The following RCL1 variants were observed in gnomAD, a reference collection of about 807,000 sequenced individuals.
RCL1 encodes RNA 3'-terminal phosphate cyclase-like protein.
In RCL1, 24 loss-of-function variants were observed where a neutral mutation model predicts 42.4. The ratio of observed to expected loss-of-function variants is 0.57; its 90% CI spans 0.41 to 0.80. The LOEUF (loss-of-function observed/expected upper bound fraction) is 0.80, where lower values mean the gene tolerates loss of function less well. Ranked by LOEUF, RCL1 falls within the 30% of genes least tolerant of loss-of-function variation. RCL1 has a pLI of 0.00. For missense variants in RCL1, 578 were observed against 467.9 expected (o/e 1.24, Z -2.17); for synonymous variants, 228 against 177.3 (o/e 1.29, Z -2.27).
intron 8 of RCL1, among the ~76,000 whole-genome samples, chr9:4,852,810 C>A (rs1048852769): frequency 6.6e-6 from 1 of 151,494 alleles, no homozygotes; most frequent in Admixed American, 6.6e-5. Flanking sequence ...GCAGGACTAC[C>A]CCAGAGGCAG....
chr9:4,819,793 G>A (rs1396672395), intron 1 of RCL1, among the ~76,000 whole-genome samples: 6 of 152,168 alleles, frequency 3.9e-5, no homozygotes, highest in Admixed American at 3.9e-4. Flanking sequence ...GTGACAGAGC[G>A]AGACTCCGTC....
chr9:4,840,561 G>C (rs1269541586), intron 5 of RCL1, among the ~76,000 whole-genome samples: 1 of 152,148 alleles, frequency 6.6e-6, no homozygotes, highest in African/African-American at 2.4e-5. Flanking sequence ...TATTGTAGGA[G>C]TGCTAATTAT....
intron 8 of RCL1, among the ~76,000 whole-genome samples, chr9:4,858,195 GTTAT>G (rs1453224896): frequency 2.6e-5 from 4 of 151,862 alleles, no homozygotes; most frequent in African/African-American, 9.7e-5. Flanking sequence ...GTTTAATTAG[GTTAT>G]TTGTCTTTTT....
At chr9:4,853,977 C>T (rs1261022156) in intron 8 of RCL1, among the ~76,000 whole-genome samples, 2 of 152,168 alleles carry the variant, frequency 1.3e-5, no homozygotes, top group Non-Finnish European at 2.9e-5. Context: ...GCCGGCCAAG[C>T]CTGCCTCTAC....
At chr9:4,835,565 T>C (rs1360288035) in intron 5 of RCL1, among the ~76,000 whole-genome samples, 1 of 152,142 alleles carries the variant, frequency 6.6e-6, no homozygotes, top group Non-Finnish European at 1.5e-5. Flanking sequence ...GGGAGTAACT[T>C]GATGAAGCGA....
intron 1 of RCL1, 88 bp from the exon 2 acceptor site, chr9:4,823,460 C>T: frequency 5.0e-6 from 5 of 1,009,502 alleles, no homozygotes; most frequent in Non-Finnish European, 7.6e-6. Context: ...TACCACAGTA[C>T]CTGAATCAGG....
At chr9:4,823,510 T>C (rs374303159) in intron 1 of RCL1, 38 bp from the exon 2 acceptor site, 70 of 1,518,752 alleles carry the variant, frequency 4.6e-5, no homozygotes, top group Non-Finnish European at 5.4e-5. Flanking sequence ...GAGGACAGTC[T>C]GTCTTCTCTT....
intron 8 of RCL1, chr9:4,850,273 A>G (rs771609482): frequency 3.8e-6 from 2 of 530,616 alleles, no homozygotes; most frequent in Non-Finnish European, 7.8e-6. Context: ...GTGGCAGGGA[A>G]TATTCAGGTA....
chr9:4,835,480 G>C (rs542490346), intron 5 of RCL1, among the ~76,000 whole-genome samples: 2 of 152,292 alleles, frequency 1.3e-5, no homozygotes, highest in East Asian at 3.9e-4. Flanking sequence ...TGGAGTGAAG[G>C]GGAGGGAAAC....
chr9:4,836,678 T>C (rs1477105953), intron 5 of RCL1: 4 of 152,334 alleles, frequency 2.6e-5, no homozygotes, highest in African/African-American at 7.2e-5. Context: ...GGGTTTTGTG[T>C]TCTCAGGAGG....
intron 4 of RCL1, 53 bp from the exon 5 acceptor site, chr9:4,834,088 G>A: frequency 1.3e-6 from 2 of 1,587,178 alleles, no homozygotes; most frequent in Non-Finnish European, 1.7e-6. Context: ...GGGTGTCAGG[G>A]TAATCCATTG....
chr9:4,823,741 A>G lies in RCL1; in HGVS notation c.208+122A>G, dbSNP rs1184226534. ...CTGCTTATCCAAATCACTCTTTTTAATGGTATAAATATTATGTTTAAAGCT... is the reference window on the plus strand; with the variant it reads ...CTGCTTATCCAAATCACTCTTTTTAGTGGTATAAATATTATGTTTAAAGCT... On this transcript the variant is annotated intron_variant, in intron 2 of 8. Transcript: ENST00000381750. 13 of 652,784 alleles carry G rather than the reference A, an allele frequency of 2.0e-5. No individual in the cohort carries two copies. In the East Asian group the frequency reaches 3.5e-4, roughly 18 times the overall value. 40.4% of individuals were successfully genotyped at this position (652,784 alleles called of 1,614,324 possible).
chr9:4,813,409 T>C (rs961209717), intron 1 of RCL1, among the ~76,000 whole-genome samples: 2 of 152,172 alleles, frequency 1.3e-5, no homozygotes, highest in African/African-American at 4.8e-5. Context: ...AAAGAAGATA[T>C]TTATGCAGCC....
intron 3 of RCL1, among the ~76,000 whole-genome samples, chr9:4,827,637 A>T (rs414972): frequency 0.49 from 74,177 of 151,880 alleles, 20,405 homozygotes; most frequent in East Asian, 0.76. Flanking sequence ...TTTATTAAAC[A>T]TGCTAATTTT....
chr9:4,827,901 G>A (rs1337109776), intron 3 of RCL1, among the ~76,000 whole-genome samples: 1 of 151,968 alleles, frequency 6.6e-6, no homozygotes, highest in East Asian at 1.9e-4. Context: ...TAAAGCTGAT[G>A]GCCGGCCGGG....
intron 1 of RCL1, among the ~76,000 whole-genome samples, chr9:4,820,124 A>T (rs577422665): frequency 6.6e-6 from 1 of 152,242 alleles, no homozygotes; most frequent in African/African-American, 2.4e-5. Context: ...TTATGTATTC[A>T]TAAACAGTGT....
chr9:4,826,104 G>GA (rs956438341), intron 2 of RCL1, among the ~76,000 whole-genome samples: 22 of 148,442 alleles, frequency 1.5e-4, no homozygotes, highest in Non-Finnish European at 1.8e-4. Context: ...GAAAGAAAAA[G>GA]AAAAAAAAAA....
chr9:4,840,723 C>G (rs1385648452), intron 5 of RCL1, among the ~76,000 whole-genome samples: 5 of 152,142 alleles, frequency 3.3e-5, no homozygotes, highest in Admixed American at 2.0e-4. Context: ...TTTCACTGAA[C>G]TTTTTCTGCT....
intron 3 of RCL1, among the ~76,000 whole-genome samples, chr9:4,830,998 A>T (rs1816924957): frequency 6.6e-6 from 1 of 152,190 alleles, no homozygotes; most frequent in Non-Finnish European, 1.5e-5. Context: ...GCAAAGCTGC[A>T]GGAGACTGGA....
Sources: allele counts gnomAD v4.1 joint callset (sites outside exome capture counted in the v4.1 genomes callset), GRCh38; gene constraint gnomAD v4.1.1; transcripts MANE v1.5; gene names NCBI Gene and HGNC (gene_info 2026-07-23, HGNC 2026-07-21).